NYAP2: variants seen among roughly 807,000 people sequenced by gnomAD.
NYAP2 encodes the protein neuronal tyrosine-phosphorylated phosphoinositide-3-kinase adaptor 2.
In NYAP2, 23 loss-of-function variants were observed where a neutral mutation model predicts 50.4. That is an observed-to-expected ratio of 0.46 (90% confidence interval 0.33 to 0.65). The LOEUF is 0.65. Among genes scored for constraint, NYAP2 ranks in the 30% least tolerant of loss-of-function variants. The probability of loss-of-function intolerance (pLI) is 0.02; values close to 1 mark genes in which losing one functional copy is unlikely to be tolerated. For missense variants in NYAP2, 885 were observed against 861.0 expected (o/e 1.03, Z -0.35); for synonymous variants, 394 against 365.2 (o/e 1.08, Z -0.90).
chr2:225,678,776 A>C, the NYAP2 span, among the ~76,000 whole-genome samples: 1 of 152,198 alleles, frequency 6.6e-6, no homozygotes, highest in Non-Finnish European at 1.5e-5. Flanking sequence ...CCCATGAAGC[A>C]GTGAGAATGG....
chr2:225,676,314 A>C, the NYAP2 span, among the ~76,000 whole-genome samples: 1 of 151,986 alleles, frequency 6.6e-6, no homozygotes, highest in Admixed American at 6.6e-5. Flanking sequence ...TTCATCTTTA[A>C]TTAATTTTCA....
At chr2:225,402,882 T>A (rs1694886576) in intron 2 of NYAP2, among the ~76,000 whole-genome samples, 1 of 146,288 alleles carries the variant, frequency 6.8e-6, no homozygotes, top group African/African-American at 2.8e-5. Flanking sequence ...CAGAAAAAAA[T>A]TTTGACATGG....
intron 4 of NYAP2, among the ~76,000 whole-genome samples, chr2:225,525,839 C>T (rs781767243): frequency 3.9e-5 from 6 of 152,142 alleles, no homozygotes; most frequent in East Asian, 1.9e-4. Context: ...AATTCTAAGA[C>T]GGTATTCAAG....
At chr2:225,641,478 C>T (rs1693532539) in intron 6 of NYAP2, among the ~76,000 whole-genome samples, 1 of 122,364 alleles carries the variant, frequency 8.2e-6, no homozygotes, top group Non-Finnish European at 1.7e-5. Context: ...CAAACACACA[C>T]ACAATTTTTT....
chr2:225,484,530 C>A (rs1048296465), intron 3 of NYAP2, among the ~76,000 whole-genome samples: 9 of 152,168 alleles, frequency 5.9e-5, no homozygotes, highest in African/African-American at 2.2e-4. Context: ...GGCTGAGGAT[C>A]AGAGATTAAA....
chr2:225,697,344 T>A, the NYAP2 span, among the ~76,000 whole-genome samples: 3 of 152,014 alleles, frequency 2.0e-5, no homozygotes, highest in African/African-American at 7.2e-5. Flanking sequence ...TTGATTAGAA[T>A]CCTTGTCAGT....
chr2:225,403,844 A>G, intron 2 of NYAP2, among the ~76,000 whole-genome samples: 1 of 152,022 alleles, frequency 6.6e-6, no homozygotes, highest in Non-Finnish European at 1.5e-5. Flanking sequence ...TCTGCCTGAC[A>G]AATCAGTGTA....
chr2:225,497,793 C>CTA (rs1172315897), intron 3 of NYAP2, among the ~76,000 whole-genome samples: 4 of 152,046 alleles, frequency 2.6e-5, no homozygotes, highest in African/African-American at 9.7e-5. Flanking sequence ...TGTGTGTGAT[C>CTA]TATAGTGTCT....
intron 3 of NYAP2, among the ~76,000 whole-genome samples, chr2:225,411,929 A>T (rs1430305440): frequency 6.6e-6 from 1 of 151,000 alleles, no homozygotes; most frequent in Non-Finnish European, 1.5e-5. Context: ...AGCATAATAT[A>T]AATAATTATT....
At chr2:225,414,021 C>G (rs1695087231) in intron 3 of NYAP2, among the ~76,000 whole-genome samples, 1 of 152,116 alleles carries the variant, frequency 6.6e-6, no homozygotes, top group South Asian at 2.1e-4. Context: ...TGCTGAAATG[C>G]CTTTTGTGCT....
chr2:225,398,136 G>A (rs1221062484), upstream of NYAP2, among the ~76,000 whole-genome samples: 1 of 151,880 alleles, frequency 6.6e-6, no homozygotes, highest in Admixed American at 6.6e-5. Context: ...TCCTCACTTT[G>A]TTTGGATTAT....
At chr2:225,650,335 A>G (rs981287736) in intron 6 of NYAP2, among the ~76,000 whole-genome samples, 9 of 152,146 alleles carry the variant, frequency 5.9e-5, no homozygotes, top group African/African-American at 2.2e-4. Flanking sequence ...TTTTCTTCCA[A>G]CGGAATTGGG....
chr2:225,466,066 C>T (rs909293067), intron 3 of NYAP2, among the ~76,000 whole-genome samples: 14 of 152,186 alleles, frequency 9.2e-5, no homozygotes, highest in African/African-American at 2.2e-4. Flanking sequence ...GAACCAGCCA[C>T]GTGAATGGCT....
intron 3 of NYAP2, among the ~76,000 whole-genome samples, chr2:225,430,223 C>G (rs1476981634): frequency 6.6e-6 from 1 of 152,124 alleles, no homozygotes; most frequent in Non-Finnish European, 1.5e-5. Context: ...CTCACCATGA[C>G]TGGATAAAAA....
downstream of NYAP2, among the ~76,000 whole-genome samples, chr2:225,655,516 A>T (rs1693807009): frequency 6.6e-6 from 1 of 152,204 alleles, no homozygotes; most frequent in Non-Finnish European, 1.5e-5. Context: ...CATGTATTAT[A>T]CTTGGAGCAC....
intron 6 of NYAP2, among the ~76,000 whole-genome samples, chr2:225,646,728 T>C (rs1264940413): frequency 2.6e-5 from 4 of 152,216 alleles, no homozygotes; most frequent in African/African-American, 9.6e-5. Context: ...ATTAGACCAC[T>C]GGGTGACCTC....
At chr2:225,445,120 A>AGGTTTTTTCCT (rs1689532329) in intron 3 of NYAP2, among the ~76,000 whole-genome samples, 1 of 152,170 alleles carries the variant, frequency 6.6e-6, no homozygotes, top group Admixed American at 6.5e-5. Flanking sequence ...AAACATTAAA[A>AGGTTTTTTCCT]ACATGTTTGG....
At chr2:225,412,255 CTT>C (rs560637948) in intron 3 of NYAP2, among the ~76,000 whole-genome samples, 687 of 59,130 alleles carry the variant, frequency 0.012, 15 homozygotes, top group African/African-American at 0.033. Flanking sequence ...CTGCGCCCGG[CTT>C]TTTTTTTTTT....
intron 5 of NYAP2, among the ~76,000 whole-genome samples, chr2:225,590,500 G>T (rs1161403985): frequency 2.0e-5 from 3 of 152,198 alleles, no homozygotes; most frequent in Non-Finnish European, 4.4e-5. Context: ...TAGGGGTTAG[G>T]CCTGGGATGT....
Sources: gnomAD v4.1 joint callset for allele counts (sites outside exome capture counted in the v4.1 genomes callset) on GRCh38, gnomAD v4.1.1 for gene constraint, MANE v1.5 for transcripts, NCBI Gene and HGNC (gene_info 2026-07-23, HGNC 2026-07-21) for gene names.